The following ULK4 variants were observed in gnomAD, a reference collection of about 807,000 sequenced individuals.
ULK4 encodes unc-51 like kinase 4, also known as inactive serine/threonine-protein kinase ULK4.
A neutral mutation model predicts 160.6 loss-of-function variants in ULK4; 133 were observed. The observed-to-expected ratio is 0.83, with a 90% CI of 0.72 to 0.96. The LOEUF (loss-of-function observed/expected upper bound fraction) is 0.96. Among genes scored for constraint, ULK4 ranks in the 40% least tolerant of loss-of-function variants. The probability of loss-of-function intolerance (pLI) is 0.00; values close to 1 mark genes in which losing one functional copy is unlikely to be tolerated. For synonymous variants in ULK4, 534 were observed against 539.8 expected, an observed-to-expected ratio of 0.99 and a Z score of 0.15; for missense variants, 1,580 against 1,499.5, an observed-to-expected ratio of 1.05 and a Z score of -0.89.
chr3:41,749,610 C>T (rs573092560), intron 22 of ULK4, among the ~76,000 whole-genome samples: 6 of 152,150 alleles, frequency 3.9e-5, no homozygotes, highest in Admixed American at 6.5e-5. Context: ...GTATTAAATG[C>T]ATTTTTGACA....
intron 17 of ULK4, among the ~76,000 whole-genome samples, chr3:41,860,473 T>C (rs1157099725): frequency 6.6e-6 from 1 of 152,256 alleles, no homozygotes; most frequent in Non-Finnish European, 1.5e-5. Flanking sequence ...CATTATGTAG[T>C]GACCTTCTTT....
At chr3:41,594,580 G>A (rs2031562928) in intron 31 of ULK4, among the ~76,000 whole-genome samples, 1 of 152,136 alleles carries the variant, frequency 6.6e-6, no homozygotes, top group Non-Finnish European at 1.5e-5. Flanking sequence ...CACTGTGGCT[G>A]AAGAATACAG....
rs184177008 is a variant in ULK4, at chr3:41,585,089, T to C, written c.3121-18959A>G. 1.6e-3 allele frequency among the ~76,000 whole-genome samples: 242 copies of C among 152,244 alleles called. 1 individual carries two copies. The highest frequency in any genetic ancestry group is 2.7e-3 in the Non-Finnish European group (185 of 68,022). On this transcript the variant is annotated intron_variant, in intron 31 of 36. Transcript: ENST00000301831. Reference sequence around the variant, plus strand: ...AATATTGCTCAAATGTCCACACTACTCAAAGTGATCTACCAGATTCAATGC... The same window carrying C: ...AATATTGCTCAAATGTCCACACTACCCAAAGTGATCTACCAGATTCAATGC...
intron 1 of ULK4, among the ~76,000 whole-genome samples, chr3:41,959,142 T>C (rs1367613880): frequency 6.6e-6 from 1 of 152,080 alleles, no homozygotes; most frequent in East Asian, 1.9e-4. Context: ...GGAGGGTGGA[T>C]CACCTGAGGT....
intron 17 of ULK4, among the ~76,000 whole-genome samples, chr3:41,847,836 A>T (rs2042108100): frequency 6.6e-6 from 1 of 152,218 alleles, no homozygotes; most frequent in African/African-American, 2.4e-5. Flanking sequence ...TCTACCTGAA[A>T]CTTCAAACTC....
At chr3:41,687,122 C>A (rs2036127760) in intron 27 of ULK4, among the ~76,000 whole-genome samples, 1 of 151,966 alleles carries the variant, frequency 6.6e-6, no homozygotes, top group Non-Finnish European at 1.5e-5. Flanking sequence ...TGCCTGTAAT[C>A]CCAGCACTTT....
At position 41,477,175 on chromosome 3, in the gene ULK4, C is replaced by A. The variant is rs57953748; in HGVS notation, c.3227-13922G>T. Among the ~76,000 whole-genome samples, 378 of 152,154 alleles carry A rather than the reference C, an allele frequency of 2.5e-3. 1 individual carries two copies. Among genetic ancestry groups the A allele is most frequent in the African/African-American group, 8.7e-3 (362 of 41,492 alleles). ...AATTATAACCAACTCCTAAAAAATC[C>A]AAGATTTATTTTGTATGAATTATAA... On this transcript the variant is annotated intron_variant, in intron 32 of 36. Transcript: ENST00000301831.
At chr3:41,359,315 G>A (rs1674542982) in intron 35 of ULK4, among the ~76,000 whole-genome samples, 1 of 152,226 alleles carries the variant, frequency 6.6e-6, no homozygotes, top group Admixed American at 6.5e-5. Context: ...AGGCCCAACT[G>A]TAAAGATGAT....
At chr3:41,615,778 C>T in intron 30 of ULK4, 61 bp from the exon 31 acceptor site, 1 of 1,483,890 alleles carries the variant, frequency 6.7e-7, no homozygotes. Context: ...GCACTGATGG[C>T]CTGATATAAA....
At position 41,430,862 on chromosome 3, in the gene ULK4, T is replaced by C. The variant is rs189445976; in HGVS notation, c.3492+24635A>G. ...ATCCACATTATTTTCCTTTCAAAAA[T>C]GATGCATAGGCATGCTTTCTGAGCT... is the stretch of plus-strand genomic sequence containing the variant. On this transcript the variant is annotated intron_variant, in intron 34 of 36. Coordinates refer to ENST00000301831, the MANE Select transcript of ULK4 (RefSeq NM_017886.4). Among the ~76,000 whole-genome samples the C allele has an allele frequency of 4.2e-4, 64 of 152,246 alleles. 2 individuals are homozygous for C. The East Asian group carries it at 0.011, about 27-fold the overall frequency.
At chr3:41,812,241 C>T (rs2040839437) in intron 19 of ULK4, among the ~76,000 whole-genome samples, 1 of 152,164 alleles carries the variant, frequency 6.6e-6, no homozygotes, top group South Asian at 2.1e-4. Flanking sequence ...ACAGTGATCA[C>T]ACCACTGCAT....
At chr3:41,958,026 G>T (rs979681642) in intron 1 of ULK4, among the ~76,000 whole-genome samples, 1 of 137,794 alleles carries the variant, frequency 7.3e-6, no homozygotes, top group African/African-American at 2.6e-5. Context: ...CCTGGGCAAC[G>T]AAGTGAGACC....
At position 41,588,187 on chromosome 3, in the gene ULK4, G is replaced by GGTCTACACT. The variant is rs370636789; in HGVS notation, c.3121-22058_3121-22057insAGTGTAGAC. Among the ~76,000 whole-genome samples, 507 of 152,130 alleles carry GGTCTACACT rather than the reference G, an allele frequency of 3.3e-3. 3 individuals carry two copies. The highest frequency in any genetic ancestry group is 0.012 in the African/African-American group (484 of 41,518). On this transcript the variant is annotated intron_variant, in intron 31 of 36. Coordinates refer to ENST00000301831, the MANE Select transcript of ULK4 (RefSeq NM_017886.4). ...ACAAAACAAAACAAAACACCACAAT[G>GGTCTACACT]AAAGGAGCAAAAAGCAGGAGAAACA...
At chr3:41,320,756 T>C (rs1377326247) in intron 35 of ULK4, among the ~76,000 whole-genome samples, 2 of 151,944 alleles carry the variant, frequency 1.3e-5, no homozygotes, top group African/African-American at 2.4e-5. Flanking sequence ...GTCTCTGCTA[T>C]AAATACAAAA....
intron 27 of ULK4, among the ~76,000 whole-genome samples, chr3:41,694,394 T>C (rs1377811355): frequency 1.3e-5 from 2 of 152,100 alleles, no homozygotes; most frequent in African/African-American, 4.8e-5. Context: ...TAGAAAGCTA[T>C]GGACCCCAGA....
intron 21 of ULK4, among the ~76,000 whole-genome samples, chr3:41,780,759 C>A (rs930781261): frequency 2.6e-5 from 4 of 152,174 alleles, no homozygotes; most frequent in African/African-American, 9.7e-5. Context: ...AAAGCTATGG[C>A]TTTCTACCAA....
At chr3:41,923,743 C>T (rs1699282528) in intron 5 of ULK4, among the ~76,000 whole-genome samples, 6 of 152,194 alleles carry the variant, frequency 3.9e-5, no homozygotes, top group Admixed American at 3.9e-4. Flanking sequence ...AATCAGGGAC[C>T]AGACCGTGGA....
At chr3:41,910,638 T>C (rs1698748064) in intron 11 of ULK4, among the ~76,000 whole-genome samples, 1 of 151,958 alleles carries the variant, frequency 6.6e-6, no homozygotes, top group Non-Finnish European at 1.5e-5. Flanking sequence ...AAAAAGTATT[T>C]AAAGAAAAAC....
chr3:41,771,772 A>C (rs1453366658), intron 21 of ULK4, among the ~76,000 whole-genome samples: 1 of 152,238 alleles, frequency 6.6e-6, no homozygotes, highest in African/African-American at 2.4e-5. Context: ...GTAAAACATT[A>C]TAGCAACTCA....
Sources: gnomAD v4.1 joint callset for allele counts (sites outside exome capture counted in the v4.1 genomes callset) on GRCh38, gnomAD v4.1.1 for gene constraint, MANE v1.5 for transcripts, NCBI Gene and HGNC (gene_info 2026-07-23, HGNC 2026-07-21) for gene names.